Variants in CCSER1 observed in about 807,000 individuals in gnomAD.
The protein encoded by CCSER1 is coiled-coil serine rich protein 1, also known as serine-rich coiled-coil domain-containing protein 1.
In CCSER1, 41 loss-of-function variants were observed where a neutral mutation model predicts 82.0. The ratio of observed to expected loss-of-function variants is 0.50; its 90% CI spans 0.39 to 0.65. The LOEUF (loss-of-function observed/expected upper bound fraction) is 0.65. Among genes scored for constraint, CCSER1 ranks in the 30% least tolerant of loss-of-function variants. The pLI is 0.00. For synonymous variants in CCSER1, 414 were observed against 383.9 expected, an observed-to-expected ratio of 1.08 and a Z score of -0.92; for missense variants, 1,119 against 1,064.2, an observed-to-expected ratio of 1.05 and a Z score of -0.72.
intron 7 of CCSER1, among the ~76,000 whole-genome samples, chr4:90,807,454 A>G (rs1381172149): frequency 6.6e-6 from 1 of 152,106 alleles, no homozygotes; most frequent in African/African-American, 2.4e-5. Flanking sequence ...GAAAAGATAT[A>G]TTAATAAATT....
At chr4:91,128,654 A>G (rs1006745982) in intron 10 of CCSER1, among the ~76,000 whole-genome samples, 2 of 152,116 alleles carry the variant, frequency 1.3e-5, no homozygotes, top group Non-Finnish European at 2.9e-5. Context: ...GAGTGAGGAA[A>G]GTGAGTTGGC....
chr4:91,161,418 A>G (rs979707391), intron 10 of CCSER1, among the ~76,000 whole-genome samples: 1 of 152,126 alleles, frequency 6.6e-6, no homozygotes, highest in Non-Finnish European at 1.5e-5. Context: ...ACTTTAAAGT[A>G]GTTTTTTCCA....
intron 4 of CCSER1, among the ~76,000 whole-genome samples, chr4:90,417,825 A>C (rs938012587): frequency 6.6e-6 from 1 of 152,160 alleles, no homozygotes; most frequent in Non-Finnish European, 1.5e-5. Flanking sequence ...GCAGAGATGA[A>C]ACCCTAGTGG....
chr4:90,923,281 C>T (rs1728642197), intron 8 of CCSER1, 89 bp from the exon 9 acceptor site: 4 of 891,688 alleles, frequency 4.5e-6, no homozygotes, highest in Non-Finnish European at 7.3e-6. Context: ...ATGAATTATA[C>T]ACTAATCAAA....
chr4:90,624,031 G>T (rs1263839090), intron 5 of CCSER1, among the ~76,000 whole-genome samples: 1 of 152,166 alleles, frequency 6.6e-6, no homozygotes, highest in African/African-American at 2.4e-5. Context: ...ATTATTTTCT[G>T]CAGCTCTACT....
At chr4:90,489,289 A>G (rs1029185692) in intron 5 of CCSER1, among the ~76,000 whole-genome samples, 1 of 152,188 alleles carries the variant, frequency 6.6e-6, no homozygotes, top group Non-Finnish European at 1.5e-5. Context: ...TTAAAAATGA[A>G]TTCTAGTATC....
chr4:91,204,511 T>C (rs553061559), intron 10 of CCSER1, among the ~76,000 whole-genome samples: 12 of 151,882 alleles, frequency 7.9e-5, no homozygotes, highest in Non-Finnish European at 1.8e-4. Flanking sequence ...TGAAACCAAA[T>C]ATAACAATTT....
intron 8 of CCSER1, among the ~76,000 whole-genome samples, chr4:90,855,542 A>AAAATGC (rs1233772608): frequency 1.3e-5 from 2 of 152,174 alleles, no homozygotes; most frequent in Admixed American, 1.3e-4. Flanking sequence ...TTCCACTAGT[A>AAAATGC]ACATATTTTG....
chr4:91,534,092 C>T (rs905036002), intron 10 of CCSER1, among the ~76,000 whole-genome samples: 1 of 152,026 alleles, frequency 6.6e-6, no homozygotes, highest in African/African-American at 2.4e-5. Context: ...ATTTGTGAGG[C>T]TAATATTCCA....
chr4:91,540,386 C>G (rs1481356833), intron 10 of CCSER1, among the ~76,000 whole-genome samples: 1 of 152,052 alleles, frequency 6.6e-6, no homozygotes, highest in Non-Finnish European at 1.5e-5. Context: ...GCTTTGTGTA[C>G]TCTTTGCCTA....
At chr4:90,500,300 A>G (rs1243677562) in intron 5 of CCSER1, among the ~76,000 whole-genome samples, 1 of 152,068 alleles carries the variant, frequency 6.6e-6, no homozygotes, top group Non-Finnish European at 1.5e-5. Flanking sequence ...TATAATCAGG[A>G]AAAAATAAGA....
At chr4:90,935,907 T>A (rs1730874451) in intron 9 of CCSER1, among the ~76,000 whole-genome samples, 1 of 152,178 alleles carries the variant, frequency 6.6e-6, no homozygotes, top group Non-Finnish European at 1.5e-5. Context: ...CTTGGTATAG[T>A]GATGATCTCT....
At chr4:90,222,572 G>A (rs114670704) in intron 1 of CCSER1, among the ~76,000 whole-genome samples, 1,791 of 152,160 alleles carry the variant, frequency 0.012, 22 homozygotes, top group African/African-American at 0.034. Flanking sequence ...CACAATTTAC[G>A]CACGTTTATT....
At chr4:90,253,082 T>A (rs1007146792) in intron 1 of CCSER1, among the ~76,000 whole-genome samples, 2 of 152,074 alleles carry the variant, frequency 1.3e-5, no homozygotes, top group Non-Finnish European at 2.9e-5. Flanking sequence ...TTTAACTTTT[T>A]GTTTGGTGTC....
intron 2 of CCSER1, among the ~76,000 whole-genome samples, chr4:90,310,831 A>T (rs1014819267): frequency 6.6e-6 from 1 of 152,154 alleles, no homozygotes; most frequent in Non-Finnish European, 1.5e-5. Context: ...ATCCATAAAC[A>T]TAGAATTTCA....
chr4:91,117,784 A>G (rs936556329), intron 10 of CCSER1, among the ~76,000 whole-genome samples: 1 of 152,198 alleles, frequency 6.6e-6, no homozygotes, highest in South Asian at 2.1e-4. Context: ...TTACATGACC[A>G]TAGACATATT....
chr4:90,973,499 T>C (rs1378365505), intron 9 of CCSER1, among the ~76,000 whole-genome samples: 1 of 151,466 alleles, frequency 6.6e-6, no homozygotes, highest in South Asian at 2.1e-4. Flanking sequence ...GCTGTCAAAA[T>C]GACAAAACAT....
At chr4:90,954,444 C>T (rs1226026045) in intron 9 of CCSER1, among the ~76,000 whole-genome samples, 1 of 151,784 alleles carries the variant, frequency 6.6e-6, no homozygotes, top group Non-Finnish European at 1.5e-5. Flanking sequence ...CTTAATATTT[C>T]ACTAGGTATT....
intron 10 of CCSER1, among the ~76,000 whole-genome samples, chr4:91,127,427 G>C: frequency 6.6e-6 from 1 of 151,990 alleles, no homozygotes; most frequent in East Asian, 1.9e-4. Context: ...CATTTCCTCA[G>C]AAAGGCCACA....
Sources: allele counts gnomAD v4.1 joint callset (sites outside exome capture counted in the v4.1 genomes callset), GRCh38; gene constraint gnomAD v4.1.1; transcripts MANE v1.5; gene names NCBI Gene and HGNC (gene_info 2026-07-23, HGNC 2026-07-21).